Variants in PLAT observed in about 807,000 individuals in gnomAD.
PLAT encodes the protein tissue-type plasminogen activator.
In PLAT, 48 loss-of-function variants were observed where a neutral mutation model predicts 74.9. The observed-to-expected ratio is 0.64, with a 90% CI of 0.51 to 0.82. PLAT has a LOEUF of 0.82. Ranked by LOEUF, PLAT falls within the 40% of genes least tolerant of loss-of-function variation. The probability of loss-of-function intolerance (pLI) is 0.00; values close to 1 mark genes in which losing one functional copy is unlikely to be tolerated. For synonymous variants in PLAT, 307 were observed against 294.4 expected, an observed-to-expected ratio of 1.04 and a Z score of -0.44; for missense variants, 673 against 736.2, an observed-to-expected ratio of 0.91 and a Z score of 0.99.
chr8:42,191,530 C>G (rs947344863), intron 2 of PLAT, 116 bp from the exon 3 acceptor site: 4 of 850,630 alleles, frequency 4.7e-6, no homozygotes, highest in Non-Finnish European at 4.0e-6. Context: ...TGCTCAGAGA[C>G]CCCCTCGGGT....
chr8:42,185,161 C>A lies in PLAT; in HGVS notation c.551G>T (p.Arg184Leu). The change falls in exon 7 of 14, where the codon CGA becomes CTA. Residue 184 changes from arginine to leucine, a missense_variant. Physicochemically the swap from Arg to Leu is moderately radical, Grantham distance 102. Coordinates refer to ENST00000220809, the MANE Select transcript of PLAT (RefSeq NM_000930.5). ...GACGTAGCACCAGGGCTTTGAGTCTCGATCTGGGTTTCTGAAAAATCAGCC... is the reference window on the plus strand; with the variant it reads ...GACGTAGCACCAGGGCTTTGAGTCTAGATCTGGGTTTCTGAAAAATCAGCC... Reference protein sequence around the residue: ...GNHNYCRNPDRDSKPWCYVFK... With the variant: ...GNHNYCRNPDLDSKPWCYVFK... 1 of 1,610,890 alleles carries A rather than the reference C, an allele frequency of 6.2e-7. No homozygotes were observed. Among genetic ancestry groups the A allele is most frequent in the Non-Finnish European group, 8.5e-7 (1 of 1,178,474 alleles).
chr8:42,192,902 C>T (rs1587939016), intron 2 of PLAT, among the ~76,000 whole-genome samples: 1 of 152,324 alleles, frequency 6.6e-6, no homozygotes, highest in East Asian at 1.9e-4. Context: ...GTGCCTAGGG[C>T]CCAGCTACAC....
rs1805548546 is a variant in PLAT at position 42,187,949 on chromosome 8, C to T, written c.321G>A (p.Val107=). Residue 107 remains valine, a synonymous_variant, in exon 5 of 14, where the codon GTG becomes GTA. Transcript: ENST00000220809. ...CAGCAAATCCTTCGGGGCACTGGCA[C>T]ACGAAATCTGAGAAGTACAGGGCCT... ...CQQALYFSDF[V]CQCPEGFAGK... is the part of the protein sequence containing the mutation. 2 of 1,613,802 alleles carry T rather than the reference C, an allele frequency of 1.2e-6. No homozygotes were observed. The highest frequency in any genetic ancestry group is 4.5e-5 in the East Asian group (2 of 44,878).
chr8:42,179,171 A>G lies in PLAT; in HGVS notation c.1364-108T>C, dbSNP rs1805107317. ...TAGCTAACATTGATCAAGATTCAAC[A>G]TGTATTAGGTCGAATCCTATGACAC... On this transcript the variant is annotated intron_variant, in intron 12 of 13. Coordinates refer to ENST00000220809, the MANE Select transcript of PLAT (RefSeq NM_000930.5). The G allele has an allele frequency of 6.8e-6, 5 of 735,884 alleles. 1 individual carries two copies. The highest frequency in any genetic ancestry group is 3.5e-5 in the South Asian group (2 of 57,432). 45.6% of individuals were successfully genotyped at this position (735,884 alleles called of 1,614,324 possible).
chr8:42,189,787 C>T (rs1256129708), intron 3 of PLAT, among the ~76,000 whole-genome samples: 3 of 151,330 alleles, frequency 2.0e-5, no homozygotes, highest in Non-Finnish European at 4.4e-5. Flanking sequence ...TTGGTAGGGA[C>T]GGGGTTTCAC....
intron 13 of PLAT, among the ~76,000 whole-genome samples, 178 bp from the exon 14 acceptor site, chr8:42,176,329 G>C (rs991280474): frequency 4.6e-5 from 7 of 152,170 alleles, no homozygotes; most frequent in African/African-American, 1.7e-4. Context: ...TCCTGTCTGG[G>C]GACACTGTCT....
chr8:42,204,691 G>A (rs1276666844), intron 1 of PLAT, among the ~76,000 whole-genome samples: 3 of 146,440 alleles, frequency 2.0e-5, no homozygotes, highest in Non-Finnish European at 4.5e-5. Flanking sequence ...CCCCAGCCTG[G>A]TGAAAAAGCG....
intron 3 of PLAT, among the ~76,000 whole-genome samples, chr8:42,191,091 G>A (rs1011284727): frequency 3.3e-5 from 5 of 151,652 alleles, no homozygotes; most frequent in Non-Finnish European, 5.9e-5. Flanking sequence ...GCCAGTGGCC[G>A]CCCCCCCCAG....
At chr8:42,205,908 C>T (rs562286092) in intron 1 of PLAT, among the ~76,000 whole-genome samples, 53 of 152,326 alleles carry the variant, frequency 3.5e-4, no homozygotes, top group Non-Finnish European at 6.0e-4. Context: ...CAAAGGAGTG[C>T]CTGACTGTTT....
intron 1 of PLAT, among the ~76,000 whole-genome samples, chr8:42,197,093 T>C (rs1805939957): frequency 6.6e-6 from 1 of 152,194 alleles, no homozygotes; most frequent in African/African-American, 2.4e-5. Flanking sequence ...ACCCTCTCTG[T>C]TGGATGAAGT....
At chr8:42,179,208 T>C (rs1805109652) in intron 12 of PLAT, 145 bp from the exon 13 acceptor site, 1 of 625,210 alleles carries the variant, frequency 1.6e-6, no homozygotes, top group African/African-American at 1.8e-5. Flanking sequence ...GCTGGTATTT[T>C]ATCGTTTTGA....
At chr8:42,176,724 A>G (rs1299314185) in intron 13 of PLAT, among the ~76,000 whole-genome samples, 1 of 152,200 alleles carries the variant, frequency 6.6e-6, no homozygotes, top group Non-Finnish European at 1.5e-5. Context: ...GTTCCTTACC[A>G]TTTTTGCTTT....
At chr8:42,202,376 C>T (rs1030475633) in intron 1 of PLAT, among the ~76,000 whole-genome samples, 1 of 151,996 alleles carries the variant, frequency 6.6e-6, no homozygotes, top group Non-Finnish European at 1.5e-5. Context: ...TTAGCATCCC[C>T]TCCCAGTCCC....
chr8:42,192,312 T>A (rs561696537), intron 2 of PLAT, among the ~76,000 whole-genome samples: 1 of 152,288 alleles, frequency 6.6e-6, no homozygotes, highest in Non-Finnish European at 1.5e-5. Context: ...TCCTGCATTG[T>A]CTTTTATAAA....
At chr8:42,188,572 G>A (rs184431368) in intron 4 of PLAT, 28 of 192,292 alleles carry the variant, frequency 1.5e-4, no homozygotes, top group Non-Finnish European at 5.4e-5. Context: ...CCCTGAACTC[G>A]AAGTCTCAGT....
Position 42,180,478 on chromosome 8 carries a change from C to T in PLAT, c.1085+12G>A, listed in dbSNP as rs1805191283. ...GAGGGTGGAAAAACCAACTGGGTTT[C>T]CGAGCCCCTACCTCTCCTGGAAGCA... is the stretch of plus-strand genomic sequence containing the variant. On this transcript the variant is annotated intron_variant, in intron 10 of 13. Transcript: ENST00000220809. The T allele has an allele frequency of 1.2e-6, 2 of 1,613,920 alleles. No homozygotes were observed. The highest frequency in any genetic ancestry group is 1.7e-6 in the Non-Finnish European group (2 of 1,180,016).
At chr8:42,197,193 G>A (rs529698278) in intron 1 of PLAT, among the ~76,000 whole-genome samples, 6 of 152,336 alleles carry the variant, frequency 3.9e-5, no homozygotes, top group Admixed American at 1.3e-4. Context: ...AGTGCAGCCC[G>A]GATCTGAAGG....
Position 42,181,943 on chromosome 8 carries a change from AG to A in PLAT, c.882del (p.Ser295ProfsTer7). The A allele has an allele frequency of 3.1e-6, 5 of 1,604,300 alleles. No individual in the cohort carries two copies. Among genetic ancestry groups the A allele is most frequent in the Non-Finnish European group, 4.3e-6 (5 of 1,171,012 alleles). Reference sequence around the variant, plus strand: ...GCCGGGGCCCAGCCCTTACAGCAGGAGGGCACATCACAGTACTCCCACGTCA... The same window carrying A: ...GCCGGGGCCCAGCCCTTACAGCAGGAGGCACATCACAGTACTCCCACGTCA... Reference protein sequence around the residue: ...RRLTWEYCDVPSCSTCGLRQY... With the variant: ...RRLTWEYCDVXSCSTCGLRQY... On this transcript the variant is annotated frameshift_variant, in exon 9 of 14. Transcript: ENST00000220809. LOFTEE classifies it high-confidence loss of function.
At chr8:42,198,430 T>G (rs995321643) in intron 1 of PLAT, among the ~76,000 whole-genome samples, 4 of 152,146 alleles carry the variant, frequency 2.6e-5, no homozygotes, top group Non-Finnish European at 5.9e-5. Context: ...AGGCGGAAGT[T>G]GCAGTGAGCC....
Sources: gnomAD v4.1 joint callset for allele counts (sites outside exome capture counted in the v4.1 genomes callset) on GRCh38, gnomAD v4.1.1 for gene constraint, MANE v1.5 for transcripts, NCBI Gene and HGNC (gene_info 2026-07-23, HGNC 2026-07-21) for gene names.